The following TINAG variants were observed in gnomAD, a reference collection of about 807,000 sequenced individuals.
TINAG encodes the protein tubulointerstitial nephritis antigen.
TINAG carries 83 observed loss-of-function variants against 72.7 expected under a neutral mutation model. The observed-to-expected ratio is 1.14, with a 90% CI of 0.96 to 1.37. The LOEUF is 1.37. Ranked by LOEUF, TINAG falls within the 40% of genes most tolerant of loss-of-function variation. The probability of loss-of-function intolerance (pLI) is 0.00; values close to 1 mark genes in which losing one functional copy is unlikely to be tolerated. For synonymous variants in TINAG, 234 were observed against 189.9 expected, an observed-to-expected ratio of 1.23 and a Z score of -1.91; for missense variants, 685 against 576.6, an observed-to-expected ratio of 1.19 and a Z score of -1.93.
chr6:54,367,363 GT>G (rs1763464378), intron 9 of TINAG, among the ~76,000 whole-genome samples: 1 of 151,730 alleles, frequency 6.6e-6, no homozygotes, highest in African/African-American at 2.4e-5. Flanking sequence ...TAAAAGGAAT[GT>G]TTTCCTGATG....
intron 9 of TINAG, among the ~76,000 whole-genome samples, chr6:54,372,727 CATATAT>C (rs67301819): frequency 3.0e-3 from 400 of 133,888 alleles, no homozygotes; most frequent in South Asian, 0.014. Context: ...TAAATACATA[CATATAT>C]ATATATATAT....
chr6:54,321,103 G>C (rs2297985), intron 2 of TINAG, among the ~76,000 whole-genome samples, 194 bp from the exon 3 acceptor site: 10,384 of 152,244 alleles, frequency 0.068, 831 homozygotes, highest in East Asian at 0.3. Context: ...ATTGCCTGGA[G>C]TAGAGGATTA....
intron 4 of TINAG, among the ~76,000 whole-genome samples, chr6:54,338,984 A>G (rs1784934877): frequency 6.6e-6 from 1 of 152,182 alleles, no homozygotes; most frequent in Non-Finnish European, 1.5e-5. Context: ...AAAATTCCTC[A>G]GAACTAGTGT....
At chr6:54,310,562 C>A (rs1487734830) in intron 1 of TINAG, among the ~76,000 whole-genome samples, 4 of 145,854 alleles carry the variant, frequency 2.7e-5, no homozygotes, top group Non-Finnish European at 3.0e-5. Context: ...CTTCCTCCTT[C>A]CCTCCCTCTC....
At chr6:54,340,699 G>T (rs138364893) in intron 4 of TINAG, among the ~76,000 whole-genome samples, 2 of 152,168 alleles carry the variant, frequency 1.3e-5, no homozygotes, top group Admixed American at 1.3e-4. Context: ...AAATCCAACA[G>T]ATGATCTTCA....
chr6:54,308,100 G>T, upstream of TINAG: 3 of 1,549,834 alleles, frequency 1.9e-6, no homozygotes, highest in South Asian at 1.2e-5. Flanking sequence ...ATGCAGGCAG[G>T]TGAAACGAAT....
intron 10 of TINAG, among the ~76,000 whole-genome samples, chr6:54,388,476 G>C (rs1764161302): frequency 6.6e-6 from 1 of 152,170 alleles, no homozygotes; most frequent in South Asian, 2.1e-4. Flanking sequence ...CTGATGCTGA[G>C]TCAATCTGCC....
intron 9 of TINAG, among the ~76,000 whole-genome samples, chr6:54,355,877 G>C (rs1763022438): frequency 2.0e-5 from 3 of 151,694 alleles, no homozygotes; most frequent in Middle Eastern, 3.4e-3. Flanking sequence ...AGGAAGGAAA[G>C]AAGGAAAGAA....
chr6:54,339,798 C>A (rs990451156), intron 4 of TINAG, among the ~76,000 whole-genome samples: 1 of 152,248 alleles, frequency 6.6e-6, no homozygotes, highest in East Asian at 1.9e-4. Flanking sequence ...TGGCCACTGA[C>A]CTTAGATTGT....
At chr6:54,363,041 GAAGTA>G (rs1271504886) in intron 9 of TINAG, among the ~76,000 whole-genome samples, 1 of 151,542 alleles carries the variant, frequency 6.6e-6, no homozygotes, top group Admixed American at 6.6e-5. Context: ...CGTCGCTGAG[GAAGTA>G]AAGTCTGAGC....
intron 4 of TINAG, among the ~76,000 whole-genome samples, chr6:54,327,908 CCT>C (rs1784645984): frequency 6.6e-6 from 1 of 152,150 alleles, no homozygotes; most frequent in African/African-American, 2.4e-5. Flanking sequence ...AGCCAGGCTG[CCT>C]CTCTAGATTC....
At chr6:54,338,197 C>T (rs1039275404) in intron 4 of TINAG, among the ~76,000 whole-genome samples, 3 of 152,130 alleles carry the variant, frequency 2.0e-5, no homozygotes, top group African/African-American at 7.2e-5. Flanking sequence ...TGATGTATAA[C>T]ACTGTGGTAA....
At chr6:54,383,574 G>A (rs961599538) in intron 10 of TINAG, among the ~76,000 whole-genome samples, 1 of 152,102 alleles carries the variant, frequency 6.6e-6, no homozygotes, top group East Asian at 1.9e-4. Context: ...GACTGGGTTT[G>A]TAATAGGCAT....
chr6:54,381,922 AG>A (rs372888506), intron 10 of TINAG, among the ~76,000 whole-genome samples: 2 of 152,086 alleles, frequency 1.3e-5, no homozygotes, highest in African/African-American at 4.8e-5. Flanking sequence ...GAATGTGCAG[AG>A]GAAAATGTTT....
At chr6:54,362,732 A>G (rs1763276674) in intron 9 of TINAG, among the ~76,000 whole-genome samples, 1 of 151,520 alleles carries the variant, frequency 6.6e-6, no homozygotes. Context: ...AAACTTCTGG[A>G]AAGTGTTCTG....
At chr6:54,343,831 A>C (rs1785060099) in intron 5 of TINAG, among the ~76,000 whole-genome samples, 1 of 152,182 alleles carries the variant, frequency 6.6e-6, no homozygotes, top group African/African-American at 2.4e-5. Flanking sequence ...ATTTCATTTT[A>C]AATAAATATA....
chr6:54,389,250 C>A (rs914127341), intron 10 of TINAG, among the ~76,000 whole-genome samples: 1 of 152,084 alleles, frequency 6.6e-6, no homozygotes, highest in African/African-American at 2.4e-5. Flanking sequence ...TGAATTGATT[C>A]TCAGGCTTTA....
At chr6:54,363,585 G>A (rs1275643604) in intron 9 of TINAG, among the ~76,000 whole-genome samples, 5 of 145,316 alleles carry the variant, frequency 3.4e-5, no homozygotes, top group Admixed American at 2.1e-4. Flanking sequence ...ATAGTTTAGA[G>A]ATGTTTTTGA....
intron 5 of TINAG, 102 bp downstream of exon 5, chr6:54,343,451 T>G: frequency 9.2e-7 from 1 of 1,085,402 alleles, no homozygotes; most frequent in Non-Finnish European, 1.2e-6. Context: ...ATTTAAATAT[T>G]AGCATATGAT....
Sources: allele counts gnomAD v4.1 joint callset (sites outside exome capture counted in the v4.1 genomes callset), GRCh38; gene constraint gnomAD v4.1.1; transcripts MANE v1.5; gene names NCBI Gene and HGNC (gene_info 2026-07-23, HGNC 2026-07-21).